Variants in DLGAP2 observed in about 807,000 individuals in gnomAD.
DLGAP2 encodes the protein DLG associated protein 2, also known as disks large-associated protein 2.
DLGAP2 carries 26 observed loss-of-function variants against 100.3 expected under a neutral mutation model. The observed-to-expected ratio is 0.26, with a 90% CI of 0.19 to 0.36. The LOEUF (loss-of-function observed/expected upper bound fraction) is 0.36, where lower values mean the gene tolerates loss of function less well. DLGAP2 is among the 10% of genes least tolerant of loss of function. The pLI, the probability that DLGAP2 is intolerant of heterozygous loss-of-function variation, is 1.00. For missense variants in DLGAP2, 1,858 were observed against 1,453.2 expected (o/e 1.28, Z -4.53); for synonymous variants, 886 against 630.1 (o/e 1.41, Z -6.08).
rs765433458 is a variant in DLGAP2, at chr8:1,697,287, C to T, written c.2937C>T (p.Ser979=). The T allele has an allele frequency of 1.2e-6, 2 of 1,605,098 alleles. No homozygotes were observed. Among genetic ancestry groups the T allele is most frequent in the Admixed American group, 1.7e-5 (1 of 58,978 alleles). The part of the protein sequence containing the change: ...LRLNDWKMME[S]PERKEERKVP... ...TCAACGACTGGAAGATGATGGAGTC[C>T]CCGGAAAGAAAGGTAAGGGCATCCA... The change falls in exon 14 of 15, where the codon TCC becomes TCT. Residue 979 remains serine (S), a synonymous_variant. Transcript: ENST00000637795.
At chr8:1,501,791 C>T (rs1799733433) in intron 4 of DLGAP2, among the ~76,000 whole-genome samples, 1 of 152,166 alleles carries the variant, frequency 6.6e-6, no homozygotes, top group Non-Finnish European at 1.5e-5. Context: ...TCATGTAGAC[C>T]TTCCTTGGCA....
At chr8:1,514,604 T>G (rs895947388) in intron 4 of DLGAP2, among the ~76,000 whole-genome samples, 5 of 152,228 alleles carry the variant, frequency 3.3e-5, no homozygotes. Flanking sequence ...CAGGCGCCGC[T>G]AGAGAACTTT....
chr8:1,244,761 A>C (rs574842315), intron 2 of DLGAP2, among the ~76,000 whole-genome samples: 1 of 152,278 alleles, frequency 6.6e-6, no homozygotes, highest in Non-Finnish European at 1.5e-5. Flanking sequence ...CAAGCAACAA[A>C]AGAAAAAAGT....
At chr8:1,495,358 G>A (rs553699136) in intron 3 of DLGAP2, among the ~76,000 whole-genome samples, 1 of 152,322 alleles carries the variant, frequency 6.6e-6, no homozygotes, top group East Asian at 1.9e-4. Context: ...GGCAGCCGAG[G>A]ACGTTTACTG....
chr8:1,560,103 T>C (rs1299832247), intron 5 of DLGAP2, among the ~76,000 whole-genome samples: 1 of 152,242 alleles, frequency 6.6e-6, no homozygotes, highest in Non-Finnish European at 1.5e-5. Context: ...ACAAAAGTCA[T>C]ATAGGGTTCA....
At chr8:946,980 A>C (rs1269021675) in intron 2 of DLGAP2, among the ~76,000 whole-genome samples, 3 of 152,172 alleles carry the variant, frequency 2.0e-5, no homozygotes, top group Non-Finnish European at 4.4e-5. Context: ...GTCGGGTAGC[A>C]GCACCACCTG....
At chr8:1,046,318 G>T (rs924187623) in intron 2 of DLGAP2, among the ~76,000 whole-genome samples, 3 of 152,160 alleles carry the variant, frequency 2.0e-5, no homozygotes, top group African/African-American at 7.2e-5. Context: ...GTGTGCATGT[G>T]ACCGAGGGCC....
At chr8:1,510,061 T>G (rs534456748) in intron 4 of DLGAP2, among the ~76,000 whole-genome samples, 18 of 152,368 alleles carry the variant, frequency 1.2e-4, no homozygotes, top group Admixed American at 7.8e-4. Flanking sequence ...AACACAGACT[T>G]CTGTAATTTT....
At chr8:1,138,807 A>C (rs767027594) in intron 2 of DLGAP2, among the ~76,000 whole-genome samples, 1 of 145,554 alleles carries the variant, frequency 6.9e-6, no homozygotes. Flanking sequence ...GCTGGTGGGA[A>C]ACTCTTCCTG....
chr8:1,502,100 A>G (rs2130326344), intron 4 of DLGAP2, among the ~76,000 whole-genome samples: 1 of 152,360 alleles, frequency 6.6e-6, no homozygotes, highest in South Asian at 2.1e-4. Flanking sequence ...AATCAACGTC[A>G]AACCACAGCT....
At chr8:1,618,391 A>G (rs2957087) in intron 6 of DLGAP2, among the ~76,000 whole-genome samples, 33,492 of 152,150 alleles carry the variant, frequency 0.22, 4,564 homozygotes, top group East Asian at 0.48. Context: ...TCTAAGATAG[A>G]CCATCTAAAT....
At chr8:1,243,620 T>C (rs56357387) in intron 2 of DLGAP2, among the ~76,000 whole-genome samples, 30,881 of 152,132 alleles carry the variant, frequency 0.2, 3,843 homozygotes, top group African/African-American at 0.34. Context: ...TGGACCCCTC[T>C]TCTTCCCTAA....
At chr8:1,506,960 C>G (rs1477005141) in intron 4 of DLGAP2, among the ~76,000 whole-genome samples, 2 of 152,114 alleles carry the variant, frequency 1.3e-5, no homozygotes, top group Non-Finnish European at 2.9e-5. Context: ...AAGTCCCCAC[C>G]AGATTAGCTA....
Position 1,697,143 on chromosome 8 carries a change from C to G in DLGAP2, c.2797-4C>G, listed in dbSNP as rs199512969. 764 of 1,568,104 alleles carry G rather than the reference C, an allele frequency of 4.9e-4. 12 individuals carry two copies. The Admixed American group carries it at 0.013, about 26-fold the overall frequency. On this transcript the variant is annotated splice_polypyrimidine_tract_variant and splice_region_variant and intron_variant, in intron 13 of 14. Transcript: ENST00000637795. ...GGCTCTGAACACCCTGTGTGTGTCC[C>G]CAGGACCCCAGCGCCATGCCGAGGC...
At chr8:1,134,734 C>A (rs1300803499) in intron 2 of DLGAP2, among the ~76,000 whole-genome samples, 4 of 152,118 alleles carry the variant, frequency 2.6e-5, no homozygotes, top group Non-Finnish European at 5.9e-5. Context: ...GAAACTTATT[C>A]ATGGTGGAAG....
At chr8:823,555 G>A (rs998922316) in intron 1 of DLGAP2, among the ~76,000 whole-genome samples, 23 of 152,076 alleles carry the variant, frequency 1.5e-4, no homozygotes, top group Admixed American at 5.2e-4. Flanking sequence ...CTTGACTTCC[G>A]TCAGCTCCAG....
chr8:757,623 C>T (rs1263131195), intron 1 of DLGAP2, among the ~76,000 whole-genome samples: 2 of 152,162 alleles, frequency 1.3e-5, no homozygotes, highest in Admixed American at 6.5e-5. Flanking sequence ...GGGTCACAGG[C>T]TGTGTGGTCC....
intron 2 of DLGAP2, among the ~76,000 whole-genome samples, chr8:1,080,889 A>G (rs1343527067): frequency 6.6e-6 from 1 of 152,198 alleles, no homozygotes; most frequent in Admixed American, 6.5e-5. Context: ...GGTTTAAAGG[A>G]ATATATTGCC....
At chr8:1,575,689 A>T (rs975458038) in intron 6 of DLGAP2, among the ~76,000 whole-genome samples, 13 of 134,480 alleles carry the variant, frequency 9.7e-5, no homozygotes, top group Admixed American at 6.2e-4. Flanking sequence ...TCATTGTTCA[A>T]TTCCCACCTA....
Sources: allele counts gnomAD v4.1 joint callset (sites outside exome capture counted in the v4.1 genomes callset), GRCh38; gene constraint gnomAD v4.1.1; transcripts MANE v1.5; gene names NCBI Gene and HGNC (gene_info 2026-07-23, HGNC 2026-07-21).